The following CABIN1 variants were observed in gnomAD, a reference collection of about 807,000 sequenced individuals.
The protein encoded by CABIN1 is calcineurin-binding protein cabin-1.
CABIN1 carries 133 observed loss-of-function variants against 227.7 expected under a neutral mutation model. That is an observed-to-expected ratio of 0.58 (90% CI 0.51 to 0.67). The LOEUF (loss-of-function observed/expected upper bound fraction) is 0.67. Ranked by LOEUF, CABIN1 falls within the 30% of genes least tolerant of loss-of-function variation. The probability of loss-of-function intolerance (pLI) is 0.00; values close to 1 mark genes in which losing one functional copy is unlikely to be tolerated. For synonymous variants in CABIN1, 1,086 were observed against 1,155.1 expected, an observed-to-expected ratio of 0.94 and a Z score of 1.21; for missense variants, 2,408 against 2,852.5, an observed-to-expected ratio of 0.84 and a Z score of 3.55.
Position 24,059,925 on chromosome 22 carries a change from A to G in CABIN1, c.1401A>G (p.Glu467=). 2.5e-6 allele frequency: 4 copies of G among 1,614,096 alleles called. No individual in the cohort carries two copies. The highest frequency in any genetic ancestry group is 3.4e-6 in the Non-Finnish European group (4 of 1,179,944). ...AGGTTGTTCTTGCTCCCCGGGCAGA[A>G]AAGCAGGACGTGCATGAGTTCCTGC... is the stretch of plus-strand genomic sequence containing the variant. ...SFDSATFMES[E]KQDVHEFLLE... is the part of the protein sequence containing the mutation. The change falls in exon 12 of 37, where the codon GAA becomes GAG. Residue 467 remains glutamate, a splice_region_variant and synonymous_variant. Coordinates refer to ENST00000263119, the MANE Select transcript of CABIN1 (RefSeq NM_012295.4).
At chr22:24,111,160 G>C (rs969802578) in intron 26 of CABIN1, among the ~76,000 whole-genome samples, 1 of 152,162 alleles carries the variant, frequency 6.6e-6, no homozygotes, top group Non-Finnish European at 1.5e-5. Context: ...AAAGTAGGTT[G>C]AAATTAAGTC....
intron 18 of CABIN1, among the ~76,000 whole-genome samples, chr22:24,073,352 G>T (rs990744067): frequency 5.3e-5 from 8 of 151,948 alleles, no homozygotes; most frequent in Admixed American, 4.6e-4. Context: ...ATTGATGCTT[G>T]TATTCAACTA....
chr22:24,177,159 T>C lies in CABIN1; in HGVS notation c.6206-345T>C, dbSNP rs964897080. 2.6e-5 allele frequency among the ~76,000 whole-genome samples: 4 copies of C among 152,294 alleles called. No individual in the cohort carries two copies. The highest frequency in any genetic ancestry group is 2.1e-4 in the South Asian group (1 of 4,832). Reference sequence around the variant, plus strand: ...CTGGGGCATAGACACCAATAGGACATGCATCCTAGGATGGTTGTGGAAATA... The same window carrying C: ...CTGGGGCATAGACACCAATAGGACACGCATCCTAGGATGGTTGTGGAAATA... On this transcript the variant is annotated intron_variant, in intron 35 of 36. Transcript: ENST00000263119. The surrounding 1 kb of genome is among the most constrained non-coding windows in gnomAD (Gnocchi z 4.4).
intron 16 of CABIN1, among the ~76,000 whole-genome samples, chr22:24,069,507 G>A (rs1306180099): frequency 3.3e-5 from 5 of 152,176 alleles, no homozygotes; most frequent in Admixed American, 1.3e-4. Context: ...AGCACCGTTA[G>A]CAGGTCCTTG....
chr22:24,130,477 A>G (rs542666725), intron 28 of CABIN1, among the ~76,000 whole-genome samples: 306 of 152,226 alleles, frequency 2.0e-3, no homozygotes, highest in African/African-American at 5.8e-3. Flanking sequence ...CTCATTGGTA[A>G]TTCTGTGAGG....
chr22:24,029,568 A>G (rs1239168511), intron 1 of CABIN1, among the ~76,000 whole-genome samples: 1 of 152,042 alleles, frequency 6.6e-6, no homozygotes, highest in Non-Finnish European at 1.5e-5. Context: ...AAAAAAAAAA[A>G]ATGGTAGTTG....
At chr22:24,126,552 A>G (rs924577933) in intron 28 of CABIN1, among the ~76,000 whole-genome samples, 6 of 152,108 alleles carry the variant, frequency 3.9e-5, no homozygotes, top group African/African-American at 1.2e-4. Context: ...TGGTGTGACT[A>G]GAATCTGCTG....
chr22:24,156,089 C>CG, intron 29 of CABIN1: 2 of 414,548 alleles, frequency 4.8e-6, no homozygotes, highest in South Asian at 6.8e-5. Context: ...AGGAACTTGG[C>CG]GGGGGCGGGG....
intron 26 of CABIN1, among the ~76,000 whole-genome samples, chr22:24,109,015 G>A (rs1199962237): frequency 6.6e-6 from 1 of 152,158 alleles, no homozygotes; most frequent in East Asian, 1.9e-4. Flanking sequence ...CACTTTATGT[G>A]TATTAACCTA....
intron 1 of CABIN1, among the ~76,000 whole-genome samples, chr22:24,020,910 A>T (rs1161859334): frequency 2.6e-5 from 4 of 152,010 alleles, no homozygotes; most frequent in Non-Finnish European, 2.9e-5. Flanking sequence ...CAAGGTGTGG[A>T]GTTTGATATA....
intron 24 of CABIN1, among the ~76,000 whole-genome samples, chr22:24,092,215 G>C (rs1053053086): frequency 6.6e-6 from 1 of 152,184 alleles, no homozygotes. Context: ...ATTGCCTCCA[G>C]GGTGCAAATG....
At chr22:24,059,484 TG>T in intron 11 of CABIN1, 121 bp downstream of exon 11, 2 of 1,191,130 alleles carry the variant, frequency 1.7e-6, no homozygotes, top group Non-Finnish European at 2.4e-6. Context: ...GCCAAGAGTC[TG>T]CCTGGATTAG....
Position 24,098,170 on chromosome 22 carries a change from C to A in CABIN1, c.4095C>A (p.Pro1365=). The A allele has an allele frequency of 1.2e-6, 2 of 1,614,164 alleles. No individual in the cohort carries two copies. Among genetic ancestry groups the A allele is most frequent in the Non-Finnish European group, 1.7e-6 (2 of 1,180,032 alleles). The change falls in exon 26 of 37, where the codon CCC becomes CCA. Residue 1365 remains proline, a synonymous_variant. Transcript: ENST00000263119. ...IDHDYVKCKK[P]HQQATPDDRS... Reference sequence around the variant, plus strand: ...ACGATTACGTCAAATGTAAAAAACCCCACCAGCAGGCAACGCCGGACGGTA... The same window carrying A: ...ACGATTACGTCAAATGTAAAAAACCACACCAGCAGGCAACGCCGGACGGTA...
chr22:24,107,762 T>C (rs1367922674), intron 26 of CABIN1, among the ~76,000 whole-genome samples: 1 of 152,214 alleles, frequency 6.6e-6, no homozygotes, highest in Non-Finnish European at 1.5e-5. Context: ...AAATTGGCAA[T>C]TCCTTTAGGC....
intron 13 of CABIN1, 133 bp from the exon 14 acceptor site, chr22:24,062,826 G>A (rs1381313925): frequency 1.5e-5 from 13 of 850,622 alleles, no homozygotes; most frequent in East Asian, 2.4e-5. Context: ...TCAGGGAGCT[G>A]TAGGGCTCTG....
Position 24,177,185 on chromosome 22 carries a change from C to T in CABIN1, c.6206-319C>T, listed in dbSNP as rs1399760392. On this transcript the variant is annotated intron_variant, in intron 35 of 36. Coordinates refer to ENST00000263119, the MANE Select transcript of CABIN1 (RefSeq NM_012295.4). The surrounding 1 kb of genome is among the most constrained non-coding windows in gnomAD (Gnocchi z 4.4). ...GCATCCTAGGATGGTTGTGGAAATA[C>T]GACAGTTCATGCAAGCATGATGCCT... Among the ~76,000 whole-genome samples the T allele has an allele frequency of 6.6e-6, 1 of 152,194 alleles. No homozygotes were observed. The highest frequency in any genetic ancestry group is 1.5e-5 in the Non-Finnish European group (1 of 68,016).
chr22:24,037,722 T>G (rs1451146844), intron 3 of CABIN1, among the ~76,000 whole-genome samples: 1 of 152,156 alleles, frequency 6.6e-6, no homozygotes, highest in Non-Finnish European at 1.5e-5. Context: ...TACAATTCAA[T>G]TCTGACACTA....
At chr22:24,032,727 T>C (rs1375939677) in intron 1 of CABIN1, among the ~76,000 whole-genome samples, 1 of 152,194 alleles carries the variant, frequency 6.6e-6, no homozygotes, top group African/African-American at 2.4e-5. Context: ...TTTTTTCATA[T>C]TGTATAGTGG....
intron 1 of CABIN1, among the ~76,000 whole-genome samples, chr22:24,021,296 AG>A (rs2035710359): frequency 6.6e-6 from 1 of 151,984 alleles, no homozygotes; most frequent in Non-Finnish European, 1.5e-5. Flanking sequence ...CTGGGATTAC[AG>A]GCATGAGCCA....
Sources: allele counts gnomAD v4.1 joint callset (sites outside exome capture counted in the v4.1 genomes callset), GRCh38; gene constraint gnomAD v4.1.1; non-coding constraint Gnocchi (gnomAD v3.1); transcripts MANE v1.5; gene names NCBI Gene and HGNC (gene_info 2026-07-23, HGNC 2026-07-21).